Variants in ITGA3 observed in about 807,000 individuals in gnomAD.
ITGA3 encodes the protein integrin subunit alpha 3, also known as integrin alpha-3.
Under a neutral mutation model 131.1 loss-of-function variants are expected in ITGA3, and 70 were observed. That is an observed-to-expected ratio of 0.53 (90% confidence interval 0.44 to 0.65). The LOEUF is 0.65. ITGA3 is among the 30% of genes least tolerant of loss of function. The pLI is 0.00. For missense variants in ITGA3, 1,098 were observed against 1,388.6 expected (o/e 0.79, Z 3.33); for synonymous variants, 537 against 571.6 (o/e 0.94, Z 0.86).
In ITGA3 at chr17:50,079,572, C is replaced by T. The variant is rs760729123; in HGVS notation, c.2706+15C>T. 1.7e-5 allele frequency: 26 copies of T among 1,511,418 alleles called. No homozygotes were observed. In the East Asian group the frequency reaches 2.1e-4, roughly 12 times the overall value. 93.6% of individuals were successfully genotyped at this position (1,511,418 alleles called of 1,614,324 possible). A position where few individuals can be genotyped will look rare whatever the true frequency, so the allele number is the denominator to read the frequency against. The stretch of plus-strand genomic sequence containing the variant: ...AGACTGTGCTGGTGAGTGGCCAGGG[C>T]GAGGTTGGAGGGGATTGCATCCACC... On this transcript the variant is annotated intron_variant, in intron 21 of 25. Coordinates refer to ENST00000320031, the MANE Select transcript of ITGA3 (RefSeq NM_002204.4).
chr17:50,089,105 T>G lies in ITGA3; in HGVS notation c.*32-5T>G. 1 of 1,611,274 alleles carries G rather than the reference T, an allele frequency of 6.2e-7. No homozygotes were observed. The highest frequency in any genetic ancestry group is 1.1e-5 in the South Asian group (1 of 91,006). On this transcript the variant is annotated splice_region_variant and splice_polypyrimidine_tract_variant and intron_variant, in intron 25 of 25. Transcript: ENST00000320031. ...ATGTTCTTTCTCTTCTCCCTCCAAC[T>G]CCAGTGTGACTTCTTTAAGCGGACC...
Position 50,073,960 on chromosome 17 carries a change from A to T in ITGA3, c.1201A>T (p.Ile401Phe). ...GTTTGAAGGCTTGGGCAAAGTGTAC[A>T]TCTATCACAGTAGCTCTAAGGGGCT... is the stretch of plus-strand genomic sequence containing the variant. ...APFEGLGKVYIYHSSSKGLLR... is the reference protein window; with the variant it reads ...APFEGLGKVYFYHSSSKGLLR... Residue 401 changes from isoleucine to phenylalanine, a missense_variant, in exon 8 of 26, where the codon ATC becomes TTC. Coordinates refer to ENST00000320031, the MANE Select transcript of ITGA3 (RefSeq NM_002204.4). 6.2e-7 allele frequency: 1 copy of T among 1,614,130 alleles called. No individual in the cohort carries two copies. The highest frequency in any genetic ancestry group is 8.5e-7 in the Non-Finnish European group (1 of 1,179,988).
chr17:50,068,808 A>C (rs1908457270), intron 4 of ITGA3, among the ~76,000 whole-genome samples: 2 of 142,910 alleles, frequency 1.4e-5, no homozygotes, highest in Admixed American at 7.1e-5. Flanking sequence ...AGCCTCAATC[A>C]GTCTTTTTTA....
At chr17:50,089,048 C>A in intron 25 of ITGA3, 62 bp from the exon 26 acceptor site, 1 of 1,388,508 alleles carries the variant, frequency 7.2e-7, no homozygotes. Flanking sequence ...AGGCCTGGCA[C>A]TCCTTCCTGG....
Position 50,089,174 on chromosome 17 carries a change from G to A in ITGA3, c.*96G>A, listed in dbSNP as rs144922409. Reference sequence around the variant, plus strand: ...CCCAAGTACCACGCAGTGCGGATCCGGGAGGAGGAGCGCTACCCACCTCCA... The same window carrying A: ...CCCAAGTACCACGCAGTGCGGATCCAGGAGGAGGAGCGCTACCCACCTCCA... On this transcript the variant is annotated 3_prime_UTR_variant, in exon 26 of 26. Transcript: ENST00000320031. The A allele has an allele frequency of 1.1e-4, 172 of 1,612,692 alleles. No homozygotes were observed. In the African/African-American group the frequency reaches 1.7e-3, roughly 16 times the overall value.
In ITGA3 at chr17:50,074,507, A is replaced by T; in HGVS notation, c.1442A>T (p.Asp481Val). ...TTGGTGCCCAGGCCAGCTGTGCTGG[A>T]CCCTGCACTTTGCACGGCCACCTCT... ...KTLVPRPAVL[D>V]PALCTATSCV... The change falls in exon 10 of 26, where the codon GAC (aspartate) becomes GTC (valine). Residue 481 changes from aspartate to valine, a missense_variant. Asp to Val is a radical substitution (Grantham distance 152). Coordinates refer to ENST00000320031, the MANE Select transcript of ITGA3 (RefSeq NM_002204.4). 6.2e-7 allele frequency: 1 copy of T among 1,613,648 alleles called. No individual in the cohort carries two copies. The highest frequency in any genetic ancestry group is 8.5e-7 in the Non-Finnish European group (1 of 1,179,694).
At chr17:50,061,744 A>G (rs1355659178) in intron 1 of ITGA3, among the ~76,000 whole-genome samples, 1 of 152,212 alleles carries the variant, frequency 6.6e-6, no homozygotes, top group Non-Finnish European at 1.5e-5. Flanking sequence ...GCCAGGGCAG[A>G]AATTCCTGGG....
At chr17:50,071,836 C>T (rs1052421074) in intron 6 of ITGA3, 150 bp from the exon 7 acceptor site, 1 of 684,962 alleles carries the variant, frequency 1.5e-6, no homozygotes, top group East Asian at 2.7e-5. Context: ...CATGTCCTTC[C>T]CATGCACATG....
Position 50,073,776 on chromosome 17 carries a change from C to G in ITGA3, c.1157-140C>G, listed in dbSNP as rs112930533. 39 of 664,272 alleles carry G rather than the reference C, an allele frequency of 5.9e-5. No individual in the cohort carries two copies. The African/African-American group carries it at 6.0e-4, about 10-fold the overall frequency. The allele number at this position is 664,272 out of a possible 1,614,324, so 41.1% of individuals were successfully genotyped here. ...TCATCCTGAGCTGCAGAGCTCTGCT[C>G]TGTCCCTGATGCTCTGAGCCCTGCC... On this transcript the variant is annotated intron_variant, in intron 7 of 25. Transcript: ENST00000320031.
intron 1 of ITGA3, among the ~76,000 whole-genome samples, chr17:50,060,130 G>C (rs778738295): frequency 1.8e-4 from 27 of 152,172 alleles, no homozygotes; most frequent in Non-Finnish European, 3.5e-4. Flanking sequence ...CCCTTCTCTG[G>C]GGCTCAGAGG....
chr17:50,071,003 C>A, intron 5 of ITGA3, 73 bp downstream of exon 5: 1 of 987,282 alleles, frequency 1.0e-6, no homozygotes, highest in Non-Finnish European at 1.6e-6. Context: ...AAGGTGAGGC[C>A]AGAGTGCAGT....
At chr17:50,057,287 G>A (rs1907876080) in intron 1 of ITGA3, among the ~76,000 whole-genome samples, 1 of 152,228 alleles carries the variant, frequency 6.6e-6, no homozygotes, top group Non-Finnish European at 1.5e-5. Context: ...CCACCCGCAA[G>A]CAGTGGCACT....
chr17:50,087,777 G>A lies in ITGA3; in HGVS notation c.2953G>A (p.Glu985Lys), dbSNP rs1243540730. ...SVDIDSELVE[E>K]LPAEIELWLV... The stretch of plus-strand genomic sequence containing the variant: ...GGACATTGACTCGGAGCTGGTGGAG[G>A]AGCTGCCGGCCGAAATCGAGCTGTG... Residue 985 changes from glutamate to lysine, a missense_variant, in exon 24 of 26, where the codon GAG (glutamate) becomes AAG (lysine). Glu to Lys is a moderately conservative substitution (Grantham distance 56). Transcript: ENST00000320031. 1 of 1,613,290 alleles carries A rather than the reference G, an allele frequency of 6.2e-7. No homozygotes were observed. Among genetic ancestry groups the A allele is most frequent in the East Asian group, 2.2e-5 (1 of 44,904 alleles).
intron 23 of ITGA3, among the ~76,000 whole-genome samples, chr17:50,083,716 CT>C (rs1320177997): frequency 1.0e-5 from 1 of 99,170 alleles, no homozygotes; most frequent in Non-Finnish European, 2.2e-5. Flanking sequence ...AGAGTGACAT[CT>C]TGCCTCAAAA....
chr17:50,064,440 A>G lies in ITGA3; in HGVS notation c.335-88A>G. 4 of 1,337,624 alleles carry G rather than the reference A, an allele frequency of 3.0e-6. No individual in the cohort carries two copies. Among genetic ancestry groups the G allele is most frequent in the Non-Finnish European group, 4.1e-6 (4 of 967,364 alleles). The allele number at this position is 1,337,624 out of a possible 1,614,324, so 82.9% of individuals were successfully genotyped here. ...GGGCTGCCCTGTGGGTGGAGGGCCCAAGCGGGACCCACTCCTGCCCTCTGG... is the reference window on the plus strand; with the variant it reads ...GGGCTGCCCTGTGGGTGGAGGGCCCGAGCGGGACCCACTCCTGCCCTCTGG... On this transcript the variant is annotated intron_variant, in intron 2 of 25. Coordinates refer to ENST00000320031, the MANE Select transcript of ITGA3 (RefSeq NM_002204.4). This position sits in a 1 kb window ranked among gnomAD's most constrained non-coding sequence, Gnocchi z 4.4.
chr17:50,066,052 AAAG>A (rs1338932287), intron 3 of ITGA3: 1 of 151,342 alleles, frequency 6.6e-6, no homozygotes, highest in Non-Finnish European at 1.5e-5. Context: ...AAAAAAAAAA[AAAG>A]ACTCCATCTC....
intron 23 of ITGA3, among the ~76,000 whole-genome samples, chr17:50,083,760 T>C (rs916018438): frequency 6.6e-6 from 1 of 150,572 alleles, no homozygotes; most frequent in Non-Finnish European, 1.5e-5. Context: ...GGGCAAATGA[T>C]ATACTGCTTT....
chr17:50,089,462 C>T lies in ITGA3; in HGVS notation c.*384C>T, dbSNP rs1909616406. 5 of 591,444 alleles carry T rather than the reference C, an allele frequency of 8.5e-6. No homozygotes were observed. In the South Asian group the frequency reaches 1.0e-4, roughly 12 times the overall value. 36.6% of individuals were successfully genotyped at this position (591,444 alleles called of 1,614,324 possible). ...CCACAGGAGGGCCAGCGCTGTGGAC[C>T]TTACAACGCCGAGTGCACTGCATTC... On this transcript the variant is annotated 3_prime_UTR_variant, in exon 26 of 26. Transcript: ENST00000320031.
Position 50,081,410 on chromosome 17 carries a change from T to C in ITGA3, c.2919+2T>C, listed in dbSNP as rs924830648. 6.4e-7 allele frequency: 1 copy of C among 1,564,532 alleles called. No individual in the cohort carries two copies. The highest frequency in any genetic ancestry group is 8.7e-7 in the Non-Finnish European group (1 of 1,151,058). The stretch of plus-strand genomic sequence containing the variant: ...AACATGGAGAACAAGACCACGTGGG[T>C]GAGTGCGCATGTTCACTAGGACAGC... On this transcript the variant is annotated splice_donor_variant, in intron 23 of 25. Transcript: ENST00000320031. LOFTEE classifies it high-confidence loss of function.
Sources: gnomAD v4.1 joint callset for allele counts (sites outside exome capture counted in the v4.1 genomes callset) on GRCh38, gnomAD v4.1.1 for gene constraint, Gnocchi (gnomAD v3.1) non-coding constraint, MANE v1.5 for transcripts, NCBI Gene and HGNC (gene_info 2026-07-23, HGNC 2026-07-21) for gene names.